The following FAM114A2 variants were observed in gnomAD, a reference collection of about 807,000 sequenced individuals.
FAM114A2 encodes the protein family with sequence similarity 114 member A2.
A neutral mutation model predicts 58.4 loss-of-function variants in FAM114A2; 53 were observed. The ratio of observed to expected loss-of-function variants is 0.91; its 90% confidence interval spans 0.73 to 1.14. The LOEUF (loss-of-function observed/expected upper bound fraction) is 1.14. Ranked by LOEUF, FAM114A2 falls within the 50% of genes most tolerant of loss-of-function variation. The pLI, the probability that FAM114A2 is intolerant of heterozygous loss-of-function variation, is 0.00. For synonymous variants in FAM114A2, 228 were observed against 211.4 expected, an observed-to-expected ratio of 1.08 and a Z score of -0.68; for missense variants, 601 against 581.1, an observed-to-expected ratio of 1.03 and a Z score of -0.35.
intron 4 of FAM114A2, among the ~76,000 whole-genome samples, chr5:154,030,996 A>T (rs1772154285): frequency 6.6e-6 from 1 of 152,172 alleles, no homozygotes; most frequent in Admixed American, 6.5e-5. Flanking sequence ...AGGCCACTAT[A>T]GACTCACCCT....
chr5:154,020,508 C>T (rs954420285), intron 8 of FAM114A2, among the ~76,000 whole-genome samples: 13 of 152,216 alleles, frequency 8.5e-5, no homozygotes, highest in Non-Finnish European at 1.9e-4. Context: ...TCAGAGAATA[C>T]TATCAACACC....
In FAM114A2 at chr5:153,991,985, T is replaced by C. The variant is rs1769270967; in HGVS notation, c.*991A>G. On this transcript the variant is annotated 3_prime_UTR_variant, in exon 14 of 14. Coordinates refer to ENST00000351797, the MANE Select transcript of FAM114A2 (RefSeq NM_018691.4). ...GAGGATAAAAGTTATATCAAAAACATGCTAAAGAATACATTAAAACAAACA... is the reference window on the plus strand; with the variant it reads ...GAGGATAAAAGTTATATCAAAAACACGCTAAAGAATACATTAAAACAAACA... 1 of 152,012 alleles carries C rather than the reference T, an allele frequency of 6.6e-6. No homozygotes were observed. Among genetic ancestry groups the C allele is most frequent in the African/African-American group, 2.4e-5 (1 of 41,384 alleles). The allele number at this position is 152,012 out of a possible 1,614,324, so 9.4% of individuals were successfully genotyped here.
chr5:154,024,462 CTT>C (rs1771647283), intron 8 of FAM114A2, among the ~76,000 whole-genome samples: 1 of 152,066 alleles, frequency 6.6e-6, no homozygotes, highest in African/African-American at 2.4e-5. Context: ...GGTTGAATCT[CTT>C]TAATATCTAG....
chr5:154,007,076 T>A (rs1296105287), intron 9 of FAM114A2, among the ~76,000 whole-genome samples: 2 of 152,116 alleles, frequency 1.3e-5, no homozygotes, highest in Non-Finnish European at 2.9e-5. Context: ...ATTACAGGCG[T>A]GAGCCACCGC....
chr5:154,014,368 T>A (rs991664486), intron 8 of FAM114A2, among the ~76,000 whole-genome samples: 2 of 152,190 alleles, frequency 1.3e-5, no homozygotes, highest in African/African-American at 4.8e-5. Context: ...CGTAAACTTC[T>A]GCTCCAGAAT....
chr5:154,037,075 A>C (rs932817007), intron 1 of FAM114A2: 1 of 152,220 alleles, frequency 6.6e-6, no homozygotes, highest in Non-Finnish European at 1.5e-5. Context: ...AGTTGGCAAC[A>C]CCTGCCTTAA....
rs1367912008 is a variant in FAM114A2, at chr5:154,027,168, G to A, written c.789+8C>T. 6 of 1,600,546 alleles carry A rather than the reference G, an allele frequency of 3.7e-6. No homozygotes were observed. The highest frequency in any genetic ancestry group is 5.1e-6 in the Non-Finnish European group (6 of 1,175,430). Reference sequence around the variant, plus strand: ...CTTTTTCCAGTTGAGATTTTGGCTTGGAATTACCTTTATTTCACTTTCTTG... The same window carrying A: ...CTTTTTCCAGTTGAGATTTTGGCTTAGAATTACCTTTATTTCACTTTCTTG... On this transcript the variant is annotated splice_region_variant and intron_variant, in intron 7 of 13. Transcript: ENST00000351797.
In FAM114A2 at chr5:154,010,502, T is replaced by G. The variant is rs529956409; in HGVS notation, c.993+739A>C. On this transcript the variant is annotated intron_variant, in intron 9 of 13. Transcript: ENST00000351797. ...GGGGGATGGAGACAAGGTGACTGGG[T>G]TGACTATGCAATAGCTCTCACCTCT... is the stretch of plus-strand genomic sequence containing the variant. 5.9e-5 allele frequency among the ~76,000 whole-genome samples: 9 copies of G among 152,168 alleles called. No homozygotes were observed. In the South Asian group the frequency reaches 1.9e-3, roughly 32 times the overall value.
intron 9 of FAM114A2, among the ~76,000 whole-genome samples, chr5:154,010,996 A>C (rs1288351635): frequency 6.6e-6 from 1 of 152,224 alleles, no homozygotes; most frequent in Non-Finnish European, 1.5e-5. Flanking sequence ...TTAAGCTTTC[A>C]GATAAGCAAA....
chr5:154,037,535 A>T (rs1041769961), intron 1 of FAM114A2, among the ~76,000 whole-genome samples: 1 of 152,192 alleles, frequency 6.6e-6, no homozygotes, highest in Non-Finnish European at 1.5e-5. Context: ...TTTTGCACAA[A>T]GTTCAATTAA....
At chr5:154,001,211 T>C (rs1177527679) in intron 11 of FAM114A2, among the ~76,000 whole-genome samples, 1 of 152,160 alleles carries the variant, frequency 6.6e-6, no homozygotes, top group African/African-American at 2.4e-5. Context: ...TACACACATA[T>C]ATATTCATAT....
chr5:153,993,089 T>A lies in FAM114A2; in HGVS notation c.1405A>T (p.Ile469Phe). ...FLEASNSASY[I>F]QDAFQLLLPV... Reference sequence around the variant, plus strand: ...AAGAGTAGCTGAAAGGCGTCCTGGATGTAGGAGGCACTGTTTGATGCCTGC... The same window carrying A: ...AAGAGTAGCTGAAAGGCGTCCTGGAAGTAGGAGGCACTGTTTGATGCCTGC... The change falls in exon 14 of 14, where the codon ATC becomes TTC. Residue 469 changes from isoleucine to phenylalanine, a missense_variant. Ile to Phe is a conservative substitution (Grantham distance 21). Transcript: ENST00000351797. The A allele has an allele frequency of 1.2e-6, 2 of 1,611,572 alleles. No homozygotes were observed. Among genetic ancestry groups the A allele is most frequent in the South Asian group, 1.1e-5 (1 of 90,642 alleles).
intron 1 of FAM114A2, chr5:154,038,618 C>T (rs1247017036): frequency 6.6e-6 from 1 of 152,256 alleles, no homozygotes. Context: ...AGAATGGGGT[C>T]CCAAACGAGA....
At chr5:154,037,598 G>C (rs1772662883) in intron 1 of FAM114A2, among the ~76,000 whole-genome samples, 1 of 152,054 alleles carries the variant, frequency 6.6e-6, no homozygotes, top group African/African-American at 2.4e-5. Context: ...GCTCTCTCCA[G>C]GTTGCAACGC....
chr5:154,032,955 G>A (rs974772509), intron 4 of FAM114A2, among the ~76,000 whole-genome samples: 14 of 152,300 alleles, frequency 9.2e-5, no homozygotes, highest in Middle Eastern at 3.4e-3. Context: ...GCATCACTAA[G>A]AACAGTGCCT....
intron 12 of FAM114A2, chr5:153,995,409 T>C (rs1232531033): frequency 6.5e-6 from 1 of 152,842 alleles, no homozygotes; most frequent in African/African-American, 2.4e-5. Context: ...TTAAAGTATC[T>C]TTATGGAACA....
At chr5:154,014,273 A>T (rs1332929482) in intron 8 of FAM114A2, among the ~76,000 whole-genome samples, 2 of 152,226 alleles carry the variant, frequency 1.3e-5, no homozygotes, top group Non-Finnish European at 2.9e-5. Flanking sequence ...AAGTCCTGAA[A>T]GTAGGAGAGA....
Position 153,991,602 on chromosome 5 carries a change from C to T in FAM114A2, c.*1374G>A, listed in dbSNP as rs1353847020. ...ATACCTTTTTAAACCAAATTTATTT[C>T]TCTTCCTTGCTTACTAACTGACTCC... On this transcript the variant is annotated 3_prime_UTR_variant, in exon 14 of 14. Coordinates refer to ENST00000351797, the MANE Select transcript of FAM114A2 (RefSeq NM_018691.4). 6.6e-6 allele frequency: 1 copy of T among 151,938 alleles called. No homozygotes were observed. The highest frequency in any genetic ancestry group is 6.6e-5 in the Admixed American group (1 of 15,256). 9.4% of individuals were successfully genotyped at this position (151,938 alleles called of 1,614,324 possible).
chr5:153,995,058 A>G (rs890869767), intron 12 of FAM114A2, 86 bp from the exon 13 acceptor site: 3 of 811,908 alleles, frequency 3.7e-6, no homozygotes, highest in Admixed American at 1.8e-5. Flanking sequence ...ACACACACAC[A>G]CACCCATACA....
Sources: gnomAD v4.1 joint callset for allele counts (sites outside exome capture counted in the v4.1 genomes callset) on GRCh38, gnomAD v4.1.1 for gene constraint, MANE v1.5 for transcripts, NCBI Gene and HGNC (gene_info 2026-07-23, HGNC 2026-07-21) for gene names.